SLC28A3: variants seen among roughly 807,000 people sequenced by gnomAD.
The protein encoded by SLC28A3 is concentrative Na(+)-nucleoside cotransporter 3.
Under a neutral mutation model 84.2 loss-of-function variants are expected in SLC28A3, and 68 were observed. The ratio of observed to expected loss-of-function variants is 0.81; its 90% CI spans 0.66 to 0.99. The LOEUF is 0.99. Ranked by LOEUF, SLC28A3 falls within the 50% of genes least tolerant of loss-of-function variation. The pLI, the probability that SLC28A3 is intolerant of heterozygous loss-of-function variation, is 0.00. For synonymous variants in SLC28A3, 267 were observed against 303.6 expected (o/e 0.88, Z 1.25); for missense variants, 712 against 841.5 (o/e 0.85, Z 1.90).
rs544193060 is a variant in SLC28A3 at position 84,318,710 on chromosome 9, A to G, written c.61-5256T>C. ...ATGATGAAACCCCATCTCTACTAAA[A>G]ATACAAAAATTAGCCGGGCGTGGTG... is the stretch of plus-strand genomic sequence containing the variant. On this transcript the variant is annotated intron_variant, in intron 1 of 17. Coordinates refer to ENST00000376238, the MANE Select transcript of SLC28A3 (RefSeq NM_001199633.2). Among the ~76,000 whole-genome samples, 62 of 152,084 alleles carry G rather than the reference A, an allele frequency of 4.1e-4. 1 individual carries two copies. In the South Asian group the frequency reaches 4.4e-3, roughly 11 times the overall value.
chr9:84,315,332 T>C lies in SLC28A3; in HGVS notation c.61-1878A>G, dbSNP rs566028612. Among the ~76,000 whole-genome samples the C allele has an allele frequency of 3.9e-5, 6 of 152,320 alleles. No homozygotes were observed. The South Asian group carries it at 8.3e-4, about 21-fold the overall frequency. On this transcript the variant is annotated intron_variant, in intron 1 of 17. Coordinates refer to ENST00000376238, the MANE Select transcript of SLC28A3 (RefSeq NM_001199633.2). The stretch of plus-strand genomic sequence containing the variant: ...TCCCTACTGAGCAGGCCACATTCTC[T>C]CAAGCCTTAACTCCCTCATTCATAC...
In SLC28A3 at chr9:84,298,031, G is replaced by A. The variant is rs41282427; in HGVS notation, c.670-12C>T. 25,132 of 1,595,370 alleles carry A rather than the reference G, an allele frequency of 0.016. 333 individuals are homozygous for A. The highest frequency in any genetic ancestry group is 0.046 in the Middle Eastern group (275 of 6,004). On this transcript the variant is annotated splice_polypyrimidine_tract_variant and intron_variant, in intron 6 of 17. Coordinates refer to ENST00000376238, the MANE Select transcript of SLC28A3 (RefSeq NM_001199633.2). ...GGTCTCCAGTAAACCTATACAGAAA[G>A]ATCAAGTGATATGTCTTAGTAGGAA...
chr9:84,337,441 T>TGTGTGTGTGTGTGTGTGTGC (rs1364543892), intron 1 of SLC28A3, among the ~76,000 whole-genome samples: 1 of 150,904 alleles, frequency 6.6e-6, no homozygotes, highest in Admixed American at 6.6e-5. Context: ...CCTGTGTGTG[T>TGTGTGTGTGTGTGTGTGTGC]GCGCGCGCGT....
chr9:84,357,258 C>A, the SLC28A3 span, among the ~76,000 whole-genome samples: 3 of 152,162 alleles, frequency 2.0e-5, no homozygotes, highest in Admixed American at 2.0e-4. Context: ...ATTTCACAAT[C>A]TTCATTCACG....
chr9:84,340,813 G>C, upstream of SLC28A3: 1 of 599,874 alleles, frequency 1.7e-6, no homozygotes, highest in East Asian at 2.9e-5. Context: ...GGTTGGGGTG[G>C]GGCAGAGAGG....
At chr9:84,300,311 G>A (rs1825578737) in intron 5 of SLC28A3, among the ~76,000 whole-genome samples, 1 of 152,186 alleles carries the variant, frequency 6.6e-6, no homozygotes, top group Admixed American at 6.5e-5. Flanking sequence ...TGTTTGGAGA[G>A]GAATGTCTGG....
chr9:84,326,452 T>G (rs923830848), intron 1 of SLC28A3, among the ~76,000 whole-genome samples: 7 of 152,156 alleles, frequency 4.6e-5, no homozygotes, highest in African/African-American at 1.7e-4. Context: ...CTAACTGAAG[T>G]AAGAGCATTT....
chr9:84,343,588 C>T (rs1210462285), upstream of SLC28A3, among the ~76,000 whole-genome samples: 1 of 151,854 alleles, frequency 6.6e-6, no homozygotes, highest in Non-Finnish European at 1.5e-5. Context: ...GGCCCAAGAG[C>T]TAAGAATGGG....
intron 1 of SLC28A3, among the ~76,000 whole-genome samples, chr9:84,316,970 C>CA (rs1198982516): frequency 6.6e-6 from 1 of 151,786 alleles, no homozygotes; most frequent in Non-Finnish European, 1.5e-5. Context: ...CAGTGCACTC[C>CA]AGCCCGGGCG....
At chr9:84,318,878 A>G (rs1354004336) in intron 1 of SLC28A3, among the ~76,000 whole-genome samples, 1 of 152,196 alleles carries the variant, frequency 6.6e-6, no homozygotes, top group African/African-American at 2.4e-5. Flanking sequence ...TCAGAAAAAA[A>G]AAAAAGAAAA....
intron 2 of SLC28A3, 124 bp downstream of exon 2, chr9:84,313,235 T>C (rs1826050142): frequency 1.4e-6 from 1 of 710,706 alleles, no homozygotes; most frequent in Non-Finnish European, 2.3e-6. Flanking sequence ...ACACTTTAAT[T>C]ACCACTTAAT....
the SLC28A3 span, among the ~76,000 whole-genome samples, chr9:84,358,791 C>T: frequency 6.6e-6 from 1 of 152,028 alleles, no homozygotes; most frequent in East Asian, 1.9e-4. Context: ...AAGACATTTT[C>T]TAAGAATTAT....
chr9:84,339,708 C>T (rs1422637136), intron 1 of SLC28A3, among the ~76,000 whole-genome samples: 1 of 152,170 alleles, frequency 6.6e-6, no homozygotes, highest in Non-Finnish European at 1.5e-5. Context: ...TAACCCGATG[C>T]CTACTCATGG....
chr9:84,283,971 G>A (rs1016479414), intron 14 of SLC28A3, among the ~76,000 whole-genome samples: 1 of 152,160 alleles, frequency 6.6e-6, no homozygotes, highest in Non-Finnish European at 1.5e-5. Flanking sequence ...AGAGGCCACT[G>A]AGCTCCTGTT....
chr9:84,341,932 C>T (rs1299186224), upstream of SLC28A3, among the ~76,000 whole-genome samples: 1 of 151,948 alleles, frequency 6.6e-6, no homozygotes, highest in East Asian at 1.9e-4. Flanking sequence ...AGTTCAAGAC[C>T]AGCCTGGCCA....
upstream of SLC28A3, among the ~76,000 whole-genome samples, chr9:84,345,752 A>G (rs1281555960): frequency 6.6e-6 from 1 of 152,154 alleles, no homozygotes; most frequent in Non-Finnish European, 1.5e-5. Flanking sequence ...ATGCCAAAAC[A>G]ATGGTCATAT....
At chr9:84,313,883 G>A (rs68139838) in intron 1 of SLC28A3, among the ~76,000 whole-genome samples, 22,756 of 138,962 alleles carry the variant, frequency 0.16, 1,932 homozygotes, top group Non-Finnish European at 0.18. Flanking sequence ...AAAAAAAAAA[G>A]AAAAGAAAAG....
chr9:84,308,556 T>A (rs1313046578), intron 3 of SLC28A3, among the ~76,000 whole-genome samples: 1 of 151,832 alleles, frequency 6.6e-6, no homozygotes, highest in East Asian at 1.9e-4. Context: ...AAAAAAAAAA[T>A]TTAAAATCTA....
At chr9:84,340,771 A>C (rs1416288851), upstream of SLC28A3, 3 of 864,982 alleles carry the variant, frequency 3.5e-6, no homozygotes, top group Non-Finnish European at 5.5e-6. Flanking sequence ...AAACTTCTGC[A>C]ATAATCTCCT....
Sources: gnomAD v4.1 joint callset for allele counts (sites outside exome capture counted in the v4.1 genomes callset) on GRCh38, gnomAD v4.1.1 for gene constraint, MANE v1.5 for transcripts, NCBI Gene and HGNC (gene_info 2026-07-23, HGNC 2026-07-21) for gene names.